Variants in DLGAP2 observed in about 807,000 individuals in gnomAD.
The protein encoded by DLGAP2 is disks large-associated protein 2.
Under a neutral mutation model 100.3 loss-of-function variants are expected in DLGAP2, and 26 were observed. The ratio of observed to expected loss-of-function variants is 0.26; its 90% CI spans 0.19 to 0.36. DLGAP2 has a LOEUF of 0.36. Among genes scored for constraint, DLGAP2 ranks in the 10% least tolerant of loss-of-function variants. The probability of loss-of-function intolerance (pLI) is 1.00; values close to 1 mark genes in which losing one functional copy is unlikely to be tolerated. For synonymous variants in DLGAP2, 886 were observed against 630.1 expected (o/e 1.41, Z -6.08); for missense variants, 1,858 against 1,453.2 (o/e 1.28, Z -4.53).
At chr8:1,125,803 G>A (rs574758715) in intron 2 of DLGAP2, among the ~76,000 whole-genome samples, 21 of 152,232 alleles carry the variant, frequency 1.4e-4, no homozygotes, top group African/African-American at 4.6e-4. Context: ...CGGGAAGGCC[G>A]CTCTACAGCT....
chr8:1,422,129 G>A (rs1417080144), intron 3 of DLGAP2, among the ~76,000 whole-genome samples: 3 of 152,190 alleles, frequency 2.0e-5, no homozygotes, highest in Non-Finnish European at 2.9e-5. Flanking sequence ...GTGTAGGACA[G>A]CTACCCCGTT....
intron 3 of DLGAP2, among the ~76,000 whole-genome samples, chr8:1,282,003 C>G (rs1455170002): frequency 6.6e-6 from 1 of 151,500 alleles, no homozygotes; most frequent in African/African-American, 2.4e-5. Flanking sequence ...CCTGAACCAT[C>G]CAGACATGGT....
chr8:1,680,920 T>C (rs185160630), intron 12 of DLGAP2: 1 of 152,334 alleles, frequency 6.6e-6, no homozygotes, highest in African/African-American at 2.4e-5. Flanking sequence ...AGGGGCAGCG[T>C]AGGGCTGGGG....
At position 1,606,212 on chromosome 8, in the gene DLGAP2, A is replaced by G. The variant is rs144204780; in HGVS notation, c.1443-20528A>G. ...CGGTTCATTTCAACTTTCAGATGAC[A>G]TAAAGCTAAATAGAGTGCTCTTCGT... On this transcript the variant is annotated intron_variant, in intron 6 of 14. Coordinates refer to ENST00000637795, the MANE Select transcript of DLGAP2 (RefSeq NM_001346810.2). 8.5e-4 allele frequency among the ~76,000 whole-genome samples: 130 copies of G among 152,314 alleles called. 2 individuals carry two copies. The South Asian group carries it at 0.01, about 12-fold the overall frequency.
At chr8:1,451,905 C>G (rs79169547) in intron 3 of DLGAP2, among the ~76,000 whole-genome samples, 4 of 152,268 alleles carry the variant, frequency 2.6e-5, no homozygotes, top group African/African-American at 9.6e-5. Context: ...CCCACACACA[C>G]GGCCCAGGCC....
At chr8:1,244,036 C>G (rs899896368) in intron 2 of DLGAP2, among the ~76,000 whole-genome samples, 1 of 151,882 alleles carries the variant, frequency 6.6e-6, no homozygotes, top group East Asian at 1.9e-4. Context: ...ATGGTGAGTG[C>G]CAGCTCCCAG....
At position 1,562,500 on chromosome 8, in the gene DLGAP2, C is replaced by A. The variant is rs554883791; in HGVS notation, c.1231-3183C>A. Among the ~76,000 whole-genome samples, 340 of 43,644 alleles carry A rather than the reference C, an allele frequency of 7.8e-3. 27 individuals carry two copies. The highest frequency in any genetic ancestry group is 0.034 in the African/African-American group (325 of 9,492). The allele number at this position is 43,644 out of a possible 152,430, so 28.6% of individuals were successfully genotyped here. A position where few individuals can be genotyped will look rare whatever the true frequency, so the allele number is the denominator to read the frequency against. ...GTGTCGGCGCCTCGTTACTGGGGGA[C>A]TGTGTGGTGTTGGGGTGTCCGCGCC... On this transcript the variant is annotated intron_variant, in intron 5 of 14. Coordinates refer to ENST00000637795, the MANE Select transcript of DLGAP2 (RefSeq NM_001346810.2).
chr8:1,067,814 C>T (rs1301675650), intron 2 of DLGAP2, among the ~76,000 whole-genome samples: 1 of 152,000 alleles, frequency 6.6e-6, no homozygotes, highest in Non-Finnish European at 1.5e-5. Context: ...TCATCCTCAC[C>T]CGGAGTCCGT....
intron 2 of DLGAP2, among the ~76,000 whole-genome samples, chr8:1,073,708 G>C (rs1239467344): frequency 2.6e-5 from 4 of 152,202 alleles, no homozygotes; most frequent in Admixed American, 6.5e-5. Context: ...AATTTGGCCA[G>C]TGCTTTCCAC....
chr8:1,537,323 GGTGA>G (rs1426347014), intron 4 of DLGAP2, among the ~76,000 whole-genome samples: 1 of 152,166 alleles, frequency 6.6e-6, no homozygotes, highest in Admixed American at 6.5e-5. Flanking sequence ...CTGTGTGTGT[GGTGA>G]GTGTGTGTTG....
At position 1,187,713 on chromosome 8, in the gene DLGAP2, C is replaced by G. The variant is rs542272590; in HGVS notation, c.74-71138C>G. The stretch of plus-strand genomic sequence containing the variant: ...CGCCCAGGACCTCTGTGACGTTTCC[C>G]TCACGGAATCTCACACGCCCGAGAC... On this transcript the variant is annotated intron_variant, in intron 2 of 14. Transcript: ENST00000637795. 3.5e-5 allele frequency among the ~76,000 whole-genome samples: 5 copies of G among 144,168 alleles called. No individual in the cohort carries two copies. The Admixed American group carries it at 3.5e-4, about 10-fold the overall frequency. 94.6% of individuals were successfully genotyped at this position (144,168 alleles called of 152,430 possible). A position where few individuals can be genotyped will look rare whatever the true frequency, so the allele number is the denominator to read the frequency against.
At chr8:1,034,271 G>A (rs56002759) in intron 2 of DLGAP2, among the ~76,000 whole-genome samples, 130 of 5,240 alleles carry the variant, frequency 0.025, no homozygotes, top group South Asian at 0.032. Flanking sequence ...CCGCGAGTGG[G>A]CTCACACCCT....
chr8:1,079,072 T>G (rs1334033747), intron 2 of DLGAP2, among the ~76,000 whole-genome samples: 2 of 152,212 alleles, frequency 1.3e-5, no homozygotes, highest in Non-Finnish European at 2.9e-5. Flanking sequence ...TTTCATGCTG[T>G]CAGGGTCTAG....
intron 3 of DLGAP2, among the ~76,000 whole-genome samples, chr8:1,263,017 T>G (rs1268885032): frequency 7.2e-5 from 11 of 152,180 alleles, no homozygotes; most frequent in African/African-American, 2.7e-4. Flanking sequence ...AAATCCACAG[T>G]GACGTATTAA....
chr8:1,283,551 T>C (rs1308652586), intron 3 of DLGAP2, among the ~76,000 whole-genome samples: 2 of 152,248 alleles, frequency 1.3e-5, no homozygotes, highest in Admixed American at 6.5e-5. Flanking sequence ...GGCACTCGGC[T>C]TTGCTTCGTT....
intron 3 of DLGAP2, among the ~76,000 whole-genome samples, chr8:1,389,112 A>G (rs1180489706): frequency 6.6e-6 from 1 of 152,100 alleles, no homozygotes; most frequent in Non-Finnish European, 1.5e-5. Context: ...GTGAGAGCAG[A>G]GGCTGCAGGT....
intron 3 of DLGAP2, among the ~76,000 whole-genome samples, chr8:1,372,480 C>G (rs1802265721): frequency 6.6e-6 from 1 of 152,186 alleles, no homozygotes; most frequent in Non-Finnish European, 1.5e-5. Flanking sequence ...GCTTCTCACC[C>G]TCAGCTCTCC....
intron 2 of DLGAP2, among the ~76,000 whole-genome samples, chr8:1,095,339 A>G (rs1415633253): frequency 6.6e-6 from 1 of 152,180 alleles, no homozygotes; most frequent in African/African-American, 2.4e-5. Flanking sequence ...TGCCCTCTGC[A>G]GACCCTGGAC....
chr8:1,177,218 G>A (rs576327020), intron 2 of DLGAP2, among the ~76,000 whole-genome samples: 5 of 152,064 alleles, frequency 3.3e-5, no homozygotes, highest in South Asian at 4.2e-4. Flanking sequence ...TCAGCTATGC[G>A]GTTTGTCTTG....
Sources: allele counts gnomAD v4.1 joint callset (sites outside exome capture counted in the v4.1 genomes callset), GRCh38; gene constraint gnomAD v4.1.1; transcripts MANE v1.5; gene names NCBI Gene and HGNC (gene_info 2026-07-23, HGNC 2026-07-21).